The following TCP11L1 variants were observed in gnomAD, a reference collection of about 807,000 sequenced individuals.
TCP11L1 encodes the protein t-complex 11 like 1, also known as T-complex protein 11-like protein 1.
Under a neutral mutation model 48.9 loss-of-function variants are expected in TCP11L1, and 28 were observed. That is an observed-to-expected ratio of 0.57 (90% CI 0.42 to 0.78). The LOEUF is 0.78. TCP11L1 is among the 30% of genes least tolerant of loss of function. The pLI, the probability that TCP11L1 is intolerant of heterozygous loss-of-function variation, is 0.00. For missense variants in TCP11L1, 505 were observed against 613.4 expected (o/e 0.82, Z 1.87); for synonymous variants, 204 against 231.9 (o/e 0.88, Z 1.09).
chr11:33,042,332 G>A (rs61887048), intron 1 of TCP11L1, among the ~76,000 whole-genome samples: 4,243 of 152,186 alleles, frequency 0.028, 85 homozygotes, highest in Non-Finnish European at 0.042. Context: ...GGGTTTCAGC[G>A]TGTTAGCCAG....
chr11:33,048,091 C>G (rs932308316), intron 2 of TCP11L1, among the ~76,000 whole-genome samples: 16 of 152,194 alleles, frequency 1.1e-4, no homozygotes, highest in African/African-American at 3.9e-4. Context: ...GGCATCAGTG[C>G]GCAAATGCTG....
intron 7 of TCP11L1, among the ~76,000 whole-genome samples, chr11:33,062,347 A>G (rs1043797524): frequency 7.6e-5 from 10 of 131,832 alleles, no homozygotes; most frequent in African/African-American, 2.6e-4. Flanking sequence ...TTCTGTCTCT[A>G]TGGATTTGCC....
At chr11:33,058,236 T>C (rs1854369339) in intron 5 of TCP11L1, 97 bp downstream of exon 5, 3 of 1,186,426 alleles carry the variant, frequency 2.5e-6, no homozygotes, top group East Asian at 5.1e-5. Context: ...TCTCACTCTG[T>C]TGCAAAGGCT....
At chr11:33,054,124 A>G (rs143335535) in intron 2 of TCP11L1, among the ~76,000 whole-genome samples, 71 of 152,060 alleles carry the variant, frequency 4.7e-4, no homozygotes, top group Non-Finnish European at 9.0e-4. Context: ...CCTTGATGCT[A>G]TTTTAATTTG....
Position 33,068,732 on chromosome 11 carries a change from G to T in TCP11L1, c.1200G>T (p.Val400=). 1 of 1,614,150 alleles carries T rather than the reference G, an allele frequency of 6.2e-7. No individual in the cohort carries two copies. Among genetic ancestry groups the T allele is most frequent in the African/African-American group, 1.3e-5 (1 of 75,038 alleles). The change falls in exon 9 of 10, where the codon GTG becomes GTT. Residue 400 remains valine (V), a synonymous_variant. Transcript: ENST00000334274. ...KDVLTTIGEK[V]CLEVSSCLSL... Reference sequence around the variant, plus strand: ...TCCTCACTACCATCGGGGAGAAGGTGTGCCTGGAGGTGAGCAGCTGCCTCT... The same window carrying T: ...TCCTCACTACCATCGGGGAGAAGGTTTGCCTGGAGGTGAGCAGCTGCCTCT...
At chr11:33,054,539 A>C (rs1854254763) in intron 2 of TCP11L1, 54 bp from the exon 3 acceptor site, 43 of 1,578,326 alleles carry the variant, frequency 2.7e-5, no homozygotes, top group Non-Finnish European at 3.5e-5. Flanking sequence ...TTCTTATTTT[A>C]GTAGAAATTC....
At chr11:33,072,199 G>T (rs1854811027) in intron 9 of TCP11L1, among the ~76,000 whole-genome samples, 1 of 152,168 alleles carries the variant, frequency 6.6e-6, no homozygotes, top group Non-Finnish European at 1.5e-5. Context: ...TGGGAGCTGG[G>T]TCTCATGCCA....
chr11:33,068,797 C>T lies in TCP11L1; in HGVS notation c.1265C>T (p.Thr422Ile), dbSNP rs752910397. 1.9e-5 allele frequency: 31 copies of T among 1,614,020 alleles called. No individual in the cohort carries two copies. In the Admixed American group the frequency reaches 5.2e-4, roughly 27 times the overall value. The change falls in exon 9 of 10, where the codon ACC becomes ATC. Residue 422 changes from threonine (T) to isoleucine (I), a missense_variant. Physicochemically the swap from Thr to Ile is moderately conservative, Grantham distance 89. Around this residue, in one of 3 missense-constraint regions of TCP11L1, gnomAD observed 335 missense variants for 413.3 expected, o/e 0.81. Transcript: ENST00000334274. ...GSSPFTTDKE[T>I]VLKGQIQAVA... Reference sequence around the variant, plus strand: ...TCTCCCTTCACCACGGACAAGGAGACCGTGCTCAAGGGCCAGATCCAGGCC... The same window carrying T: ...TCTCCCTTCACCACGGACAAGGAGATCGTGCTCAAGGGCCAGATCCAGGCC...
intron 1 of TCP11L1, chr11:33,041,421 T>G (rs1473180029): frequency 6.6e-6 from 1 of 152,266 alleles, no homozygotes; most frequent in Non-Finnish European, 1.5e-5. Context: ...AAGATGGGTC[T>G]CGAAAGGGAA....
At chr11:33,067,348 CTCA>C (rs1398484490) in intron 8 of TCP11L1, among the ~76,000 whole-genome samples, 1 of 152,236 alleles carries the variant, frequency 6.6e-6, no homozygotes, top group African/African-American at 2.4e-5. Context: ...CCTAAACATT[CTCA>C]TCCTTACAAA....
intron 8 of TCP11L1, among the ~76,000 whole-genome samples, chr11:33,066,890 A>G (rs1394501598): frequency 6.6e-6 from 1 of 152,196 alleles, no homozygotes; most frequent in Non-Finnish European, 1.5e-5. Context: ...CACACGTGTA[A>G]CAGAAACGAA....
At chr11:33,057,342 T>G (rs1457675470) in intron 4 of TCP11L1, 107 bp downstream of exon 4, 1 of 1,532,186 alleles carries the variant, frequency 6.5e-7, no homozygotes, top group Non-Finnish European at 8.9e-7. Flanking sequence ...GATCAAGAAG[T>G]TAAAGTACTT....
chr11:33,069,172 C>A (rs1479526306), intron 9 of TCP11L1, among the ~76,000 whole-genome samples: 2 of 152,180 alleles, frequency 1.3e-5, no homozygotes, highest in Non-Finnish European at 2.9e-5. Context: ...AGCAACCTTA[C>A]AAGGTCGCTG....
Position 33,051,133 on chromosome 11 carries a change from TTTTG to T in TCP11L1, c.164-3456_164-3453del, listed in dbSNP as rs1450202887. Among the ~76,000 whole-genome samples, 16 of 151,518 alleles carry T rather than the reference TTTTG, an allele frequency of 1.1e-4. 1 individual carries two copies. Among genetic ancestry groups the T allele is most frequent in the African/African-American group, 3.9e-4 (16 of 41,294 alleles). ...GCTCTGCAATCCATTTTGAGTTCAT[TTTTG>T]TTTATCATTTGAGAGAAGGATCTAG... On this transcript the variant is annotated intron_variant, in intron 2 of 9. Coordinates refer to ENST00000334274, the MANE Select transcript of TCP11L1 (RefSeq NM_018393.4).
intron 2 of TCP11L1, among the ~76,000 whole-genome samples, chr11:33,044,792 T>A (rs1853940066): frequency 6.6e-6 from 1 of 152,214 alleles, no homozygotes; most frequent in Non-Finnish European, 1.5e-5. Context: ...AATCAACTAT[T>A]AGGTCAAATT....
At chr11:33,047,363 A>T (rs567185700) in intron 2 of TCP11L1, among the ~76,000 whole-genome samples, 2 of 152,348 alleles carry the variant, frequency 1.3e-5, no homozygotes, top group Non-Finnish European at 2.9e-5. Context: ...CAGAGTAAGG[A>T]TCAGTCAACT....
At chr11:33,049,583 A>G (rs1854097662) in intron 2 of TCP11L1, among the ~76,000 whole-genome samples, 1 of 152,128 alleles carries the variant, frequency 6.6e-6, no homozygotes, top group Non-Finnish European at 1.5e-5. Context: ...AAACCTGTGA[A>G]CAAAGGTCTC....
At chr11:33,066,440 CGA>C (rs1854621569) in intron 8 of TCP11L1, among the ~76,000 whole-genome samples, 1 of 151,942 alleles carries the variant, frequency 6.6e-6, no homozygotes, top group Admixed American at 6.6e-5. Context: ...ATTTAGGAGG[CGA>C]GAGAAGAAGT....
intron 2 of TCP11L1, among the ~76,000 whole-genome samples, chr11:33,044,490 C>T (rs922919737): frequency 3.9e-5 from 6 of 152,160 alleles, no homozygotes; most frequent in Non-Finnish European, 5.9e-5. Context: ...CCTCAACTCA[C>T]GTCTTTTATG....
Sources: allele counts gnomAD v4.1 joint callset (sites outside exome capture counted in the v4.1 genomes callset), GRCh38; gene constraint gnomAD v4.1.1; regional missense constraint gnomAD v4.1.1; transcripts MANE v1.5; gene names NCBI Gene and HGNC (gene_info 2026-07-23, HGNC 2026-07-21).